KCNK3: variants seen among roughly 807,000 people sequenced by gnomAD.
KCNK3 encodes the protein potassium two pore domain channel subfamily K member 3.
Under a neutral mutation model 27.3 loss-of-function variants are expected in KCNK3, and 9 were observed. That is an observed-to-expected ratio of 0.33 (90% CI 0.20 to 0.57). KCNK3 has a LOEUF of 0.57. Among genes scored for constraint, KCNK3 ranks in the 20% least tolerant of loss-of-function variants. The pLI, the probability that KCNK3 is intolerant of heterozygous loss-of-function variation, is 0.87. For missense variants in KCNK3, 391 were observed against 577.7 expected (o/e 0.68, Z 3.31); for synonymous variants, 278 against 273.8 (o/e 1.02, Z -0.15).
intron 1 of KCNK3, among the ~76,000 whole-genome samples, chr2:26,713,673 C>G (rs1023582590): frequency 6.6e-6 from 1 of 151,242 alleles, no homozygotes; most frequent in African/African-American, 2.4e-5. Flanking sequence ...GAGGCTGAGG[C>G]AGGAGAATTG....
At chr2:26,714,888 A>AATAG (rs1663200460) in intron 1 of KCNK3, among the ~76,000 whole-genome samples, 1 of 149,792 alleles carries the variant, frequency 6.7e-6, no homozygotes, top group Non-Finnish European at 1.5e-5. Flanking sequence ...TCCATCTCAA[A>AATAG]ATAAATAAAT....
At chr2:26,725,771 C>T (rs921848853) in intron 1 of KCNK3, among the ~76,000 whole-genome samples, 4 of 152,172 alleles carry the variant, frequency 2.6e-5, no homozygotes, top group African/African-American at 9.7e-5. Flanking sequence ...CTAAGGGCAG[C>T]CCCAAGCAGC....
chr2:26,695,784 T>C (rs555757254), intron 1 of KCNK3, among the ~76,000 whole-genome samples: 1 of 152,244 alleles, frequency 6.6e-6, no homozygotes, highest in South Asian at 2.1e-4. Context: ...CTAAAAGCCA[T>C]GGGGGGAGAG....
At chr2:26,709,936 A>G (rs534490061) in intron 1 of KCNK3, among the ~76,000 whole-genome samples, 1 of 152,290 alleles carries the variant, frequency 6.6e-6, no homozygotes, top group East Asian at 1.9e-4. Context: ...GCCGCCTTCC[A>G]CATTCCCTCC....
rs1663543075 is a variant in KCNK3, at chr2:26,731,616, G to A, written c.*3048G>A. 6.6e-6 allele frequency: 1 copy of A among 152,138 alleles called. No homozygotes were observed. The highest frequency in any genetic ancestry group is 2.4e-5 in the African/African-American group (1 of 41,422). The allele number at this position is 152,138 out of a possible 1,614,324, so 9.4% of individuals were successfully genotyped here. ...ATAATAAAATAAAATAACATACCTAGCTGACTCGCCATGGGCTCGCTGGCC... is the reference window on the plus strand; with the variant it reads ...ATAATAAAATAAAATAACATACCTAACTGACTCGCCATGGGCTCGCTGGCC... On this transcript the variant is annotated 3_prime_UTR_variant, in exon 2 of 2. Coordinates refer to ENST00000302909, the MANE Select transcript of KCNK3 (RefSeq NM_002246.3).
At chr2:26,712,645 A>G (rs1191574611) in intron 1 of KCNK3, among the ~76,000 whole-genome samples, 1 of 148,040 alleles carries the variant, frequency 6.8e-6, no homozygotes, top group Non-Finnish European at 1.5e-5. Flanking sequence ...AGGCCACAGT[A>G]GGGGAGAGGC....
intron 1 of KCNK3, among the ~76,000 whole-genome samples, chr2:26,702,025 G>C (rs1670314130): frequency 6.6e-6 from 1 of 152,264 alleles, no homozygotes; most frequent in South Asian, 2.1e-4. Flanking sequence ...CTGTGACATG[G>C]GGGGGTTTTT....
intron 1 of KCNK3, among the ~76,000 whole-genome samples, chr2:26,695,416 C>A (rs1437309657): frequency 6.6e-6 from 1 of 152,160 alleles, no homozygotes; most frequent in Non-Finnish European, 1.5e-5. Flanking sequence ...TCCATGCTAA[C>A]CTTCCAGGTC....
At chr2:26,710,415 G>A (rs1663089337) in intron 1 of KCNK3, among the ~76,000 whole-genome samples, 1 of 152,170 alleles carries the variant, frequency 6.6e-6, no homozygotes, top group Non-Finnish European at 1.5e-5. Flanking sequence ...AGAGCAGTGG[G>A]CCCAAGTCCT....
chr2:26,716,288 C>T (rs1399237167), intron 1 of KCNK3, among the ~76,000 whole-genome samples: 1 of 152,230 alleles, frequency 6.6e-6, no homozygotes, highest in Non-Finnish European at 1.5e-5. Context: ...CTCTAAAGGA[C>T]AGCAATGCAA....
intron 1 of KCNK3, among the ~76,000 whole-genome samples, chr2:26,715,007 G>A (rs1158153837): frequency 1.3e-5 from 2 of 152,242 alleles, no homozygotes; most frequent in East Asian, 3.8e-4. Flanking sequence ...TACCTGTGTG[G>A]CCTTGTCCAA....
intron 1 of KCNK3, among the ~76,000 whole-genome samples, chr2:26,724,871 G>C (rs993287360): frequency 2.0e-5 from 3 of 152,184 alleles, no homozygotes; most frequent in Non-Finnish European, 4.4e-5. Flanking sequence ...GGGCCACGAG[G>C]CAGTGTGGGA....
chr2:26,704,248 C>T (rs1670342936), intron 1 of KCNK3, among the ~76,000 whole-genome samples: 2 of 152,182 alleles, frequency 1.3e-5, no homozygotes, highest in South Asian at 4.1e-4. Context: ...GTTTTATTGA[C>T]GGCTTGCAGG....
chr2:26,726,106 C>CACAG (rs1553387172), intron 1 of KCNK3, among the ~76,000 whole-genome samples: 156 of 81,810 alleles, frequency 1.9e-3, no homozygotes, highest in African/African-American at 9.7e-3. Context: ...CACACACACA[C>CACAG]AGAGAGAGAG....
At chr2:26,724,529 T>C in intron 1 of KCNK3, 3 of 913,424 alleles carry the variant, frequency 3.3e-6, no homozygotes, top group Non-Finnish European at 3.9e-6. Flanking sequence ...GTAAGAAGTT[T>C]TTGAGGATTA....
At chr2:26,711,111 C>T (rs1323182591) in intron 1 of KCNK3, among the ~76,000 whole-genome samples, 2 of 152,182 alleles carry the variant, frequency 1.3e-5, no homozygotes, top group Admixed American at 6.5e-5. Flanking sequence ...GCCCAGAGTC[C>T]AGCCTGTGGC....
rs1265453484 is a variant in KCNK3 at position 26,728,768 on chromosome 2, C to T, written c.*200C>T. 2.4e-6 allele frequency: 1 copy of T among 423,272 alleles called. No individual in the cohort carries two copies. Among genetic ancestry groups the T allele is most frequent in the East Asian group, 3.5e-5 (1 of 28,222 alleles). 26.2% of individuals were successfully genotyped at this position (423,272 alleles called of 1,614,324 possible). On this transcript the variant is annotated 3_prime_UTR_variant, in exon 2 of 2. Transcript: ENST00000302909. ...GGGCTCTGAGGACCCCTGGGGCCCC[C>T]ATCGGAGCCCTGCAAATTCCGAGAA...
At position 26,728,157 on chromosome 2, in the gene KCNK3, C is replaced by G. The variant is rs1243931857; in HGVS notation, c.774C>G (p.Ala258=). ...TMNAEDEKRD[A]EHRALLTRNG... ...ACGCCGAGGACGAGAAGCGCGACGC[C>G]GAGCACCGCGCGCTGCTCACGCGCA... is the stretch of plus-strand genomic sequence containing the variant. Residue 258 remains alanine (A), a synonymous_variant, in exon 2 of 2, where the codon GCC becomes GCG. Coordinates refer to ENST00000302909, the MANE Select transcript of KCNK3 (RefSeq NM_002246.3). The G allele has an allele frequency of 1.3e-6, 2 of 1,580,170 alleles. No individual in the cohort carries two copies. Among genetic ancestry groups the G allele is most frequent in the South Asian group, 1.1e-5 (1 of 87,384 alleles).
At chr2:26,724,492 T>A in intron 1 of KCNK3, 7 of 626,550 alleles carry the variant, frequency 1.1e-5, no homozygotes, top group Non-Finnish European at 1.4e-5. Context: ...CCAACTGTAA[T>A]ATGAAGATAA....
Sources: gnomAD v4.1 joint callset for allele counts (sites outside exome capture counted in the v4.1 genomes callset) on GRCh38, gnomAD v4.1.1 for gene constraint, MANE v1.5 for transcripts, NCBI Gene and HGNC (gene_info 2026-07-23, HGNC 2026-07-21) for gene names.